The following TAB2 variants were observed in gnomAD, a reference collection of about 807,000 sequenced individuals.
TAB2 encodes TGF-beta-activated kinase 1 and MAP3K7-binding protein 2.
Under a neutral mutation model 65.0 loss-of-function variants are expected in TAB2, and 3 were observed. The ratio of observed to expected loss-of-function variants is 0.05; its 90% CI spans 0.02 to 0.12. The LOEUF is 0.12. Among genes scored for constraint, TAB2 ranks in the 10% least tolerant of loss-of-function variants. TAB2 has a pLI of 1.00. For missense variants in TAB2, 623 were observed against 840.3 expected (o/e 0.74, Z 3.20); for synonymous variants, 298 against 285.1 (o/e 1.05, Z -0.46).
chr6:149,365,694 T>C (rs752979811), intron 1 of TAB2, among the ~76,000 whole-genome samples: 26 of 152,050 alleles, frequency 1.7e-4, no homozygotes, highest in Non-Finnish European at 3.5e-4. Context: ...TTCTTCAAAT[T>C]TTTTTTCTAC....
intron 1 of TAB2, among the ~76,000 whole-genome samples, chr6:149,271,091 T>C (rs1778353576): frequency 6.6e-6 from 1 of 152,078 alleles, no homozygotes; most frequent in Non-Finnish European, 1.5e-5. Context: ...AATATTACTG[T>C]TAGCTACTTG....
chr6:149,307,213 T>G (rs1489482870), intron 1 of TAB2, among the ~76,000 whole-genome samples: 1 of 151,038 alleles, frequency 6.6e-6, no homozygotes, highest in Non-Finnish European at 1.5e-5. Flanking sequence ...TTGGGAAATT[T>G]TTCTGCCACC....
chr6:149,325,997 C>A (rs1779605589), intron 1 of TAB2, among the ~76,000 whole-genome samples: 1 of 152,138 alleles, frequency 6.6e-6, no homozygotes, highest in Non-Finnish European at 1.5e-5. Flanking sequence ...CCTTGGCCTC[C>A]CACCTAAGTG....
chr6:149,339,779 A>G (rs189734161), intron 1 of TAB2, among the ~76,000 whole-genome samples: 57 of 151,858 alleles, frequency 3.8e-4, no homozygotes, highest in African/African-American at 1.1e-3. Flanking sequence ...TTGTACTTTT[A>G]GTAGAGACGG....
intron 2 of TAB2, chr6:149,372,350 A>G (rs1488040042): frequency 2.0e-5 from 3 of 152,238 alleles, no homozygotes; most frequent in African/African-American, 7.2e-5. Context: ...AGAATTAAAA[A>G]CAAAATTAAT....
intron 1 of TAB2, among the ~76,000 whole-genome samples, chr6:149,355,224 T>C (rs1780618190): frequency 6.6e-6 from 1 of 152,254 alleles, no homozygotes; most frequent in Admixed American, 6.5e-5. Flanking sequence ...TTGCCAAATA[T>C]TACATGACTA....
At chr6:149,403,247 AAT>A (rs71010865) in intron 6 of TAB2, among the ~76,000 whole-genome samples, 1,101 of 43,916 alleles carry the variant, frequency 0.025, 13 homozygotes, top group Admixed American at 0.035. Context: ...AAAAAAAAAA[AAT>A]ATATATATAT....
At chr6:149,362,674 T>G (rs979131817) in intron 1 of TAB2, among the ~76,000 whole-genome samples, 1 of 152,158 alleles carries the variant, frequency 6.6e-6, no homozygotes, top group East Asian at 1.9e-4. Flanking sequence ...AACCTTTTTT[T>G]GGAAAGTTTT....
chr6:149,334,887 T>A (rs538168332), intron 1 of TAB2, among the ~76,000 whole-genome samples: 1 of 152,278 alleles, frequency 6.6e-6, no homozygotes, highest in East Asian at 1.9e-4. Context: ...TTCAGAAGCA[T>A]GTCATTTATA....
chr6:149,369,996 G>A lies in TAB2; in HGVS notation c.-2G>A, dbSNP rs150118146. 1.0e-4 allele frequency: 167 copies of A among 1,613,522 alleles called. No homozygotes were observed. Among genetic ancestry groups the A allele is most frequent in the Non-Finnish European group, 1.4e-4 (164 of 1,179,688 alleles). On this transcript the variant is annotated 5_prime_UTR_variant, in exon 2 of 7. Transcript: ENST00000637181. ...AAATAGTCCTGATCAGGCAATATAC[G>A]AATGGCCCAAGGAAGCCACCAAATT...
At chr6:149,377,220 G>A (rs1781432361) in intron 2 of TAB2, among the ~76,000 whole-genome samples, 1 of 151,574 alleles carries the variant, frequency 6.6e-6, no homozygotes, top group Non-Finnish European at 1.5e-5. Context: ...ACAGGCGCCC[G>A]CCACCACGCC....
intron 6 of TAB2, among the ~76,000 whole-genome samples, chr6:149,403,329 TACATATATATAC>T (rs1397091955): frequency 5.4e-5 from 3 of 55,752 alleles, no homozygotes; most frequent in South Asian, 8.5e-4. Context: ...CACATATATA[TACATATATATAC>T]ACACACACAC....
At position 149,319,535 on chromosome 6, in the gene TAB2, T is replaced by C. The variant is rs1165024758; in HGVS notation, c.-90+1520T>C. Among the ~76,000 whole-genome samples the C allele has an allele frequency of 2.0e-5, 3 of 152,300 alleles. No individual in the cohort carries two copies. The East Asian group carries it at 5.8e-4, about 29-fold the overall frequency. ...ACAGTTAGTTTAAGGATTCTGCTGC[T>C]TTAAAAAAACATGTATGGAACGAAT... On this transcript the variant is annotated intron_variant, in intron 1 of 6. Transcript: ENST00000637181.
chr6:149,261,811 C>G (rs1778158742), intron 1 of TAB2, among the ~76,000 whole-genome samples: 1 of 152,192 alleles, frequency 6.6e-6, no homozygotes, highest in African/African-American at 2.4e-5. Flanking sequence ...AACTTATAAT[C>G]AACTACATGA....
At chr6:149,334,261 G>A (rs187642687) in intron 1 of TAB2, among the ~76,000 whole-genome samples, 8 of 151,852 alleles carry the variant, frequency 5.3e-5, no homozygotes, top group African/African-American at 1.9e-4. Context: ...CTGTGTCAGT[G>A]TCAGCACCTT....
At chr6:149,338,900 T>C (rs1364834780) in intron 1 of TAB2, among the ~76,000 whole-genome samples, 2 of 152,216 alleles carry the variant, frequency 1.3e-5, no homozygotes, top group African/African-American at 4.8e-5. Context: ...TGGCTATATT[T>C]ATTATAACGT....
chr6:149,320,699 CAA>C (rs1391040228), intron 1 of TAB2, among the ~76,000 whole-genome samples: 3 of 151,830 alleles, frequency 2.0e-5, no homozygotes, highest in Non-Finnish European at 4.4e-5. Flanking sequence ...ATAAACAGAT[CAA>C]GACTAAAAGT....
In TAB2 at chr6:149,409,633, G is replaced by T. The variant is rs1421958546; in HGVS notation, c.1996G>T (p.Ala666Ser). ...TCAAGACACAGAAGATGATGAGGGAGCTCAGTGGAATTGTACCGCCTGTAC... is the reference window on the plus strand; with the variant it reads ...TCAAGACACAGAAGATGATGAGGGATCTCAGTGGAATTGTACCGCCTGTAC... Reference protein sequence around the residue: ...KTQDTEDDEGAQWNCTACTFL... With the variant: ...KTQDTEDDEGSQWNCTACTFL... Residue 666 changes from alanine (A) to serine (S), a missense_variant, in exon 7 of 7, where the codon GCT becomes TCT. By Grantham distance (99) the Ala-to-Ser change is moderately conservative (BLOSUM62 1). This residue lies in a region of TAB2 where 56 missense variants were observed against 130.3 expected (regional missense o/e 0.43). Transcript: ENST00000637181. 1.9e-6 allele frequency: 3 copies of T among 1,614,038 alleles called. No individual in the cohort carries two copies. The highest frequency in any genetic ancestry group is 2.5e-6 in the Non-Finnish European group (3 of 1,179,906).
intron 1 of TAB2, chr6:149,246,911 A>T (rs1777731791): frequency 6.6e-6 from 1 of 152,384 alleles, no homozygotes; most frequent in Admixed American, 6.5e-5. Flanking sequence ...GAAGACTAAA[A>T]CCAAACAGAA....
Sources: gnomAD v4.1 joint callset for allele counts (sites outside exome capture counted in the v4.1 genomes callset) on GRCh38, gnomAD v4.1.1 for gene constraint, gnomAD v4.1.1 regional missense constraint, MANE v1.5 for transcripts, NCBI Gene and HGNC (gene_info 2026-07-23, HGNC 2026-07-21) for gene names.